OCA2: variants seen among roughly 807,000 people sequenced by gnomAD.
The protein encoded by OCA2 is P protein.
Under a neutral mutation model 100.2 loss-of-function variants are expected in OCA2, and 77 were observed. The observed-to-expected ratio is 0.77, with a 90% CI of 0.64 to 0.93. The LOEUF (loss-of-function observed/expected upper bound fraction) is 0.93, where lower values mean the gene tolerates loss of function less well. Among genes scored for constraint, OCA2 ranks in the 40% least tolerant of loss-of-function variants. The pLI is 0.00. For synonymous variants in OCA2, 432 were observed against 439.2 expected (o/e 0.98, Z 0.21); for missense variants, 1,062 against 1,089.1 (o/e 0.98, Z 0.35).
At chr15:27,741,732 A>C in the OCA2 span, among the ~76,000 whole-genome samples, 1 of 152,178 alleles carries the variant, frequency 6.6e-6, no homozygotes, top group Non-Finnish European at 1.5e-5. Context: ...GGGAACAAAA[A>C]GATAAGGGAG....
At chr15:28,013,344 G>A (rs984531197) in intron 9 of OCA2, among the ~76,000 whole-genome samples, 3 of 152,172 alleles carry the variant, frequency 2.0e-5, no homozygotes, top group Admixed American at 1.3e-4. Flanking sequence ...TTCACCTAAC[G>A]TCACCTTTAG....
chr15:27,843,637 G>A (rs949832230), intron 23 of OCA2, among the ~76,000 whole-genome samples: 1 of 152,098 alleles, frequency 6.6e-6, no homozygotes, highest in East Asian at 1.9e-4. Flanking sequence ...CACATTCAGC[G>A]TCCCCTGAGG....
chr15:27,824,553 C>G (rs570503066), intron 23 of OCA2, among the ~76,000 whole-genome samples: 7 of 125,402 alleles, frequency 5.6e-5, no homozygotes, highest in African/African-American at 1.8e-4. Flanking sequence ...CTGGCAAAAC[C>G]TAATTTCTTT....
At chr15:27,725,859 A>T in the OCA2 span, among the ~76,000 whole-genome samples, 1 of 152,094 alleles carries the variant, frequency 6.6e-6, no homozygotes, top group Non-Finnish European at 1.5e-5. Context: ...GTTCTCAAAA[A>T]AAGTTCATGC....
At chr15:27,822,855 T>A (rs562838454) in intron 23 of OCA2, among the ~76,000 whole-genome samples, 27 of 152,338 alleles carry the variant, frequency 1.8e-4, no homozygotes, top group African/African-American at 6.5e-4. Flanking sequence ...TTCAGGCCCT[T>A]AATGGTAACT....
intron 18 of OCA2, among the ~76,000 whole-genome samples, chr15:27,929,284 G>C (rs1408270468): frequency 6.6e-6 from 1 of 152,124 alleles, no homozygotes; most frequent in African/African-American, 2.4e-5. Context: ...TAAAAACAAT[G>C]TGATATTGCA....
chr15:27,763,730 G>A (rs915769670), intron 23 of OCA2, among the ~76,000 whole-genome samples: 1 of 152,350 alleles, frequency 6.6e-6, no homozygotes, highest in Admixed American at 6.5e-5. Context: ...GCTGGGCTGG[G>A]AGGAGACTGT....
chr15:27,989,569 G>A (rs1177176118), intron 11 of OCA2, 32 bp downstream of exon 11: 6 of 1,600,486 alleles, frequency 3.7e-6, no homozygotes, highest in Admixed American at 1.7e-5. Context: ...CGCAGGCGTG[G>A]AGCCCAGTCC....
chr15:27,936,240 C>T (rs1335704688), intron 18 of OCA2, among the ~76,000 whole-genome samples: 1 of 150,952 alleles, frequency 6.6e-6, no homozygotes, highest in Non-Finnish European at 1.5e-5. Flanking sequence ...TTGTGGGGAG[C>T]ACCCACTCCA....
chr15:28,033,045 G>T (rs1216302590), intron 2 of OCA2, among the ~76,000 whole-genome samples: 1 of 152,180 alleles, frequency 6.6e-6, no homozygotes, highest in Non-Finnish European at 1.5e-5. Context: ...TGGGCAGGAT[G>T]GTCCTCCACC....
intron 23 of OCA2, among the ~76,000 whole-genome samples, chr15:27,781,208 A>T (rs2032522814): frequency 1.3e-5 from 2 of 152,202 alleles, no homozygotes; most frequent in Admixed American, 1.3e-4. Context: ...TATTCCCTGC[A>T]GCAATGTGGA....
chr15:27,919,494 T>C (rs549845498), intron 19 of OCA2, among the ~76,000 whole-genome samples: 1 of 152,148 alleles, frequency 6.6e-6, no homozygotes, highest in Non-Finnish European at 1.5e-5. Context: ...GTTAAATGCA[T>C]ATTACTAAAT....
intron 7 of OCA2, among the ~76,000 whole-genome samples, chr15:28,016,521 G>A (rs1280080790): frequency 6.6e-6 from 1 of 152,254 alleles, no homozygotes; most frequent in African/African-American, 2.4e-5. Context: ...GCTCACGCCT[G>A]TAATCCCAAC....
At chr15:28,096,111 G>A (rs952004994) in intron 1 of OCA2, among the ~76,000 whole-genome samples, 2 of 151,998 alleles carry the variant, frequency 1.3e-5, no homozygotes, top group Non-Finnish European at 2.9e-5. Flanking sequence ...TGTCTCCGGG[G>A]GCGTAGCTTG....
intron 23 of OCA2, among the ~76,000 whole-genome samples, chr15:27,757,432 T>C (rs188498507): frequency 1.1e-3 from 162 of 152,316 alleles, no homozygotes; most frequent in African/African-American, 3.5e-3. Flanking sequence ...ATTATATAGA[T>C]GAAGCAACTG....
At chr15:27,973,683 A>G (rs1334125788) in intron 14 of OCA2, among the ~76,000 whole-genome samples, 1 of 152,142 alleles carries the variant, frequency 6.6e-6, no homozygotes, top group Non-Finnish European at 1.5e-5. Context: ...TTTTGGTTCC[A>G]TATGAATTTC....
At chr15:28,024,768 T>TC (rs2042698068) in intron 5 of OCA2, 77 bp downstream of exon 5, 3 of 1,463,214 alleles carry the variant, frequency 2.1e-6, no homozygotes, top group African/African-American at 2.8e-5. Flanking sequence ...CACCTCAGGT[T>TC]CCCCCTGCTA....
chr15:27,744,687 C>G, the OCA2 span, among the ~76,000 whole-genome samples: 8 of 152,244 alleles, frequency 5.3e-5, no homozygotes, highest in Admixed American at 3.9e-4. Context: ...TCCTGCTGTT[C>G]GACTTATGAT....
chr15:27,835,570 C>T (rs2151332588), intron 23 of OCA2, among the ~76,000 whole-genome samples: 1 of 152,354 alleles, frequency 6.6e-6, no homozygotes, highest in East Asian at 1.9e-4. Flanking sequence ...GTGAAATCGT[C>T]ACTGTTGCTT....
Sources: allele counts gnomAD v4.1 joint callset (sites outside exome capture counted in the v4.1 genomes callset), GRCh38; gene constraint gnomAD v4.1.1; transcripts MANE v1.5; gene names NCBI Gene and HGNC (gene_info 2026-07-23, HGNC 2026-07-21).